Variants in ANKRD13C observed in about 807,000 individuals in gnomAD.
The protein encoded by ANKRD13C is ankyrin repeat domain 13C, also known as ankyrin repeat domain-containing protein 13C.
ANKRD13C carries 16 observed loss-of-function variants against 65.5 expected under a neutral mutation model. The ratio of observed to expected loss-of-function variants is 0.24; its 90% CI spans 0.17 to 0.37. The LOEUF is 0.37. Among genes scored for constraint, ANKRD13C ranks in the 10% least tolerant of loss-of-function variants. ANKRD13C has a pLI of 1.00. For missense variants in ANKRD13C, 503 were observed against 655.9 expected (o/e 0.77, Z 2.55); for synonymous variants, 235 against 238.7 (o/e 0.98, Z 0.14).
At chr1:70,336,003 T>C (rs1277300872) in intron 2 of ANKRD13C, 55 bp downstream of exon 2, 2 of 555,428 alleles carry the variant, frequency 3.6e-6, no homozygotes, top group Non-Finnish European at 5.6e-6. Flanking sequence ...TTAAAAATTT[T>C]AAACTGACTA....
chr1:70,263,791 AAATAAT>A (rs1302865851), intron 12 of ANKRD13C, among the ~76,000 whole-genome samples: 2 of 152,108 alleles, frequency 1.3e-5, no homozygotes, highest in African/African-American at 4.8e-5. Context: ...TCTCTATTTA[AAATAAT>A]AATAATAAAT....
intron 5 of ANKRD13C, 73 bp from the exon 6 acceptor site, chr1:70,306,363 A>G (rs533911804): frequency 1.6e-4 from 140 of 900,400 alleles, no homozygotes; most frequent in Middle Eastern, 4.7e-4. Flanking sequence ...TTAAATTAAA[A>G]GAGTAATGTG....
At chr1:70,277,120 G>A (rs143940160) in intron 9 of ANKRD13C, among the ~76,000 whole-genome samples, 459 of 152,132 alleles carry the variant, frequency 3.0e-3, no homozygotes, top group Middle Eastern at 0.017. Flanking sequence ...AAATGTTCCT[G>A]TCATTATACT....
intron 6 of ANKRD13C, among the ~76,000 whole-genome samples, chr1:70,303,631 T>G (rs1041237992): frequency 2.0e-5 from 3 of 152,204 alleles, no homozygotes; most frequent in African/African-American, 7.2e-5. Flanking sequence ...TAGTTTCTCT[T>G]TGATACCAGA....
intron 9 of ANKRD13C, 116 bp from the exon 10 acceptor site, chr1:70,276,960 T>A: frequency 5.1e-6 from 4 of 788,730 alleles, no homozygotes; most frequent in Non-Finnish European, 7.7e-6. Context: ...ACTTAATCTC[T>A]TCAATATAAT....
intron 1 of ANKRD13C, among the ~76,000 whole-genome samples, chr1:70,339,292 G>C (rs1419684471): frequency 6.8e-6 from 1 of 147,448 alleles, no homozygotes; most frequent in Non-Finnish European, 1.5e-5. Flanking sequence ...CAAAACCAAA[G>C]ATTTACTTTG....
At chr1:70,278,353 C>T (rs927767862) in intron 9 of ANKRD13C, among the ~76,000 whole-genome samples, 3 of 151,612 alleles carry the variant, frequency 2.0e-5, no homozygotes, top group African/African-American at 7.3e-5. Context: ...ATTAGCCAGG[C>T]GTAGTGGCTC....
intron 1 of ANKRD13C, among the ~76,000 whole-genome samples, chr1:70,343,831 C>T (rs962061350): frequency 2.0e-5 from 3 of 152,204 alleles, no homozygotes; most frequent in African/African-American, 7.2e-5. Context: ...AGCCACCGCA[C>T]CAGGCTAACT....
chr1:70,325,692 C>G (rs1300939059), intron 2 of ANKRD13C, among the ~76,000 whole-genome samples: 2 of 151,756 alleles, frequency 1.3e-5, no homozygotes. Flanking sequence ...TCCTGGCTAA[C>G]ATGGTGAAAC....
At chr1:70,297,237 A>G (rs1418609957) in intron 7 of ANKRD13C, among the ~76,000 whole-genome samples, 1 of 141,228 alleles carries the variant, frequency 7.1e-6, no homozygotes, top group Non-Finnish European at 1.5e-5. Flanking sequence ...CAAGAGGCCC[A>G]TTTTCTATTC....
intron 5 of ANKRD13C, among the ~76,000 whole-genome samples, chr1:70,309,732 A>AATAAT (rs1553248052): frequency 1.8e-4 from 19 of 107,090 alleles, no homozygotes; most frequent in East Asian, 1.7e-3. Flanking sequence ...AAAAAAAAAA[A>AATAAT]AATAATAATA....
rs890739660 is a variant in ANKRD13C, at chr1:70,261,584, T to C, written c.*1133A>G. On this transcript the variant is annotated 3_prime_UTR_variant, in exon 13 of 13. Coordinates refer to ENST00000370944, the MANE Select transcript of ANKRD13C (RefSeq NM_030816.5). ...TGAGTAATACATGATTTTATCACTT[T>C]GGAGACAATGAAATCAATATTTTCC... 7 of 152,256 alleles carry C rather than the reference T, an allele frequency of 4.6e-5. No homozygotes were observed. Among genetic ancestry groups the C allele is most frequent in the African/African-American group, 1.7e-4 (7 of 41,456 alleles). 9.4% of individuals were successfully genotyped at this position (152,256 alleles called of 1,614,324 possible).
chr1:70,324,138 CCAA>C (rs1181070342), intron 3 of ANKRD13C, among the ~76,000 whole-genome samples: 2 of 152,088 alleles, frequency 1.3e-5, no homozygotes, highest in Non-Finnish European at 2.9e-5. Context: ...AATAAAACTG[CCAA>C]CGTTTTTTAT....
rs769157324 is a variant in ANKRD13C, at chr1:70,354,113, T to C, written c.296A>G (p.Asn99Ser). 7 of 1,612,968 alleles carry C rather than the reference T, an allele frequency of 4.3e-6. No homozygotes were observed. In the African/African-American group the frequency reaches 8.0e-5, roughly 18 times the overall value. ...SQSPALLAGT[N>S]PVAVVADGGS... Reference sequence around the variant, plus strand: ...TCCATCCGCGACGACAGCAACGGGGTTGGTGCCGGCCAGAAGGGCCGGGGA... The same window carrying C: ...TCCATCCGCGACGACAGCAACGGGGCTGGTGCCGGCCAGAAGGGCCGGGGA... The change falls in exon 1 of 13, where the codon AAC becomes AGC. Residue 99 changes from asparagine to serine, a missense_variant. Transcript: ENST00000370944.
chr1:70,309,272 C>T (rs1328143063), intron 5 of ANKRD13C, among the ~76,000 whole-genome samples: 2 of 151,596 alleles, frequency 1.3e-5, no homozygotes, highest in Non-Finnish European at 2.9e-5. Context: ...TGGGTTTTCA[C>T]CATGTTGGCC....
intron 9 of ANKRD13C, among the ~76,000 whole-genome samples, chr1:70,278,125 G>A (rs1408178168): frequency 6.6e-6 from 1 of 151,360 alleles, no homozygotes; most frequent in Non-Finnish European, 1.5e-5. Flanking sequence ...GGAAGTTGAT[G>A]CTGCAGTAAG....
At chr1:70,293,747 AT>A (rs1406780161) in intron 8 of ANKRD13C, 1 of 157,364 alleles carries the variant, frequency 6.4e-6, no homozygotes, top group Non-Finnish European at 1.4e-5. Flanking sequence ...GTGAGCTTAG[AT>A]TTCCTAACAG....
intron 5 of ANKRD13C, among the ~76,000 whole-genome samples, chr1:70,310,386 G>A (rs556631740): frequency 4.6e-5 from 7 of 152,264 alleles, no homozygotes; most frequent in South Asian, 2.1e-4. Context: ...AATGGGTTTC[G>A]TTTTAGAATT....
chr1:70,284,239 C>T (rs1445320275), intron 9 of ANKRD13C, among the ~76,000 whole-genome samples: 2 of 151,762 alleles, frequency 1.3e-5, no homozygotes, highest in African/African-American at 4.8e-5. Context: ...TATAATAAAG[C>T]ATATAAATTC....
Sources: gnomAD v4.1 joint callset for allele counts (sites outside exome capture counted in the v4.1 genomes callset) on GRCh38, gnomAD v4.1.1 for gene constraint, MANE v1.5 for transcripts, NCBI Gene and HGNC (gene_info 2026-07-23, HGNC 2026-07-21) for gene names.